The following ZER1 variants were observed in gnomAD, a reference collection of about 807,000 sequenced individuals.
The protein encoded by ZER1 is zyg-11 related cell cycle regulator, also known as protein zer-1 homolog.
In ZER1, 11 loss-of-function variants were observed where a neutral mutation model predicts 78.8. The ratio of observed to expected loss-of-function variants is 0.14; its 90% confidence interval spans 0.09 to 0.23. The LOEUF is 0.23. Among genes scored for constraint, ZER1 ranks in the 10% least tolerant of loss-of-function variants. The probability of loss-of-function intolerance (pLI) is 1.00; values close to 1 mark genes in which losing one functional copy is unlikely to be tolerated. For missense variants in ZER1, 588 were observed against 996.9 expected (o/e 0.59, Z 5.52); for synonymous variants, 400 against 407.0 (o/e 0.98, Z 0.21).
intron 1 of ZER1, among the ~76,000 whole-genome samples, chr9:128,770,917 T>A (rs561256138): frequency 2.0e-5 from 3 of 152,276 alleles, no homozygotes; most frequent in South Asian, 2.1e-4. Context: ...TGCCTGTATT[T>A]CCAGCACTTT....
chr9:128,743,178 A>C (rs1863363491), intron 8 of ZER1, among the ~76,000 whole-genome samples: 3 of 149,474 alleles, frequency 2.0e-5, no homozygotes, highest in African/African-American at 7.4e-5. Flanking sequence ...AGTGCAGTGG[A>C]CCTATCTCGG....
chr9:128,738,127 C>A (rs1863151609), intron 13 of ZER1, among the ~76,000 whole-genome samples: 1 of 150,288 alleles, frequency 6.7e-6, no homozygotes, highest in Non-Finnish European at 1.5e-5. Context: ...TAACTGCAAG[C>A]TCCGCCTCCC....
At chr9:128,741,976 T>G in intron 9 of ZER1, 135 bp from the exon 10 acceptor site, 1 of 1,194,816 alleles carries the variant, frequency 8.4e-7, no homozygotes, top group South Asian at 1.3e-5. Context: ...CTCCCTATAT[T>G]TGGGGGAGGC....
In ZER1 at chr9:128,771,719, C is replaced by T. The variant is rs1369283124; in HGVS notation, c.-233G>A. The T allele has an allele frequency of 1.3e-5, 2 of 152,324 alleles. No individual in the cohort carries two copies. Among genetic ancestry groups the T allele is most frequent in the African/African-American group, 4.8e-5 (2 of 41,562 alleles). The allele number at this position is 152,324 out of a possible 1,614,324, so 9.4% of individuals were successfully genotyped here. On this transcript the variant is annotated 5_prime_UTR_variant, in exon 1 of 16. Coordinates refer to ENST00000291900, the MANE Select transcript of ZER1 (RefSeq NM_006336.4). ...GATCTCGTCAGGCTAGAGCCGGGGT[C>T]CAGGGGAGACGGGGGTCGGCGGGGC...
intron 1 of ZER1, among the ~76,000 whole-genome samples, chr9:128,761,780 A>C (rs571739567): frequency 6.6e-6 from 1 of 150,634 alleles, no homozygotes; most frequent in Non-Finnish European, 1.5e-5. Flanking sequence ...AATTTTTTGT[A>C]TTTTTAGTAG....
rs552033940 is a variant in ZER1 at position 128,739,329 on chromosome 9, C to T, written c.2042+602G>A. On this transcript the variant is annotated intron_variant, in intron 13 of 15. Transcript: ENST00000291900. ...TATCCTGGCTAACACGGTGAAAACT[C>T]GTCTCTACTAAAAATACAAAAAAAT... Among the ~76,000 whole-genome samples, 4 of 151,316 alleles carry T rather than the reference C, an allele frequency of 2.6e-5. No individual in the cohort carries two copies. In the East Asian group the frequency reaches 5.9e-4, roughly 22 times the overall value.
chr9:128,744,621 G>A (rs1255209993), intron 8 of ZER1, among the ~76,000 whole-genome samples: 1 of 151,974 alleles, frequency 6.6e-6, no homozygotes, highest in Non-Finnish European at 1.5e-5. Flanking sequence ...TGCGATTACA[G>A]GCTCCAGCCA....
Position 128,755,635 on chromosome 9 carries a change from A to C in ZER1, c.-70T>G. On this transcript the variant is annotated 5_prime_UTR_variant, in exon 2 of 16. An upstream open reading frame in the 5' UTR loses its in-frame stop. Transcript: ENST00000291900. The surrounding 1 kb of genome is among the most constrained non-coding windows in gnomAD (Gnocchi z 5.6). Reference sequence around the variant, plus strand: ...GGGCAACAGTGATTCCTGAATACTCACAGGATCATTGGCAGAGCCACTGCC... The same window carrying C: ...GGGCAACAGTGATTCCTGAATACTCCCAGGATCATTGGCAGAGCCACTGCC... The C allele has an allele frequency of 4.2e-5, 65 of 1,564,986 alleles. No individual in the cohort carries two copies. The highest frequency in any genetic ancestry group is 5.6e-5 in the Non-Finnish European group (64 of 1,144,876).
At chr9:128,748,112 T>C (rs1365822575) in intron 8 of ZER1, among the ~76,000 whole-genome samples, 1 of 151,272 alleles carries the variant, frequency 6.6e-6, no homozygotes, top group Non-Finnish European at 1.5e-5. Context: ...AAATACAAAT[T>C]AGCTGACTGT....
intron 14 of ZER1, among the ~76,000 whole-genome samples, chr9:128,734,177 A>T (rs10117681): frequency 0.92 from 48,074 of 52,364 alleles, 22,366 homozygotes; most frequent in Middle Eastern, 0.97. Flanking sequence ...TCTTAAAAAA[A>T]ATATATATAT....
At position 128,751,173 on chromosome 9, in the gene ZER1, A is replaced by G; in HGVS notation, c.1134T>C (p.Leu378=). The G allele has an allele frequency of 6.2e-7, 1 of 1,607,454 alleles. No individual in the cohort carries two copies. The highest frequency in any genetic ancestry group is 8.5e-7 in the Non-Finnish European group (1 of 1,175,158). Residue 378 remains leucine (L), a synonymous_variant, in exon 7 of 16, where the codon CTT becomes CTC. Coordinates refer to ENST00000291900, the MANE Select transcript of ZER1 (RefSeq NM_006336.4). The surrounding 1 kb of genome is among the most constrained non-coding windows in gnomAD (Gnocchi z 5.4). ...PEITSRAINL[L]FDIARIERCN... is the part of the protein sequence containing the mutation. ...AACGCTCGATGCGGGCGATGTCAAAAAGCAAGTTGATGGCCCGCGAGGTGA... is the reference window on the plus strand; with the variant it reads ...AACGCTCGATGCGGGCGATGTCAAAGAGCAAGTTGATGGCCCGCGAGGTGA...
At position 128,746,587 on chromosome 9, in the gene ZER1, C is replaced by T. The variant is rs149734738; in HGVS notation, c.1360-3842G>A. Among the ~76,000 whole-genome samples, 740 of 151,434 alleles carry T rather than the reference C, an allele frequency of 4.9e-3. 5 individuals are homozygous for T. The highest frequency in any genetic ancestry group is 0.017 in the African/African-American group (699 of 41,274). ...CAAGCAATCATCCCACCTCGGCCTC[C>T]GAGTAGCTGGGGCTACAGACGCATA... is the stretch of plus-strand genomic sequence containing the variant. On this transcript the variant is annotated intron_variant, in intron 8 of 15. Transcript: ENST00000291900.
At chr9:128,734,114 C>A (rs1200443244) in intron 14 of ZER1, among the ~76,000 whole-genome samples, 8 of 13,140 alleles carry the variant, frequency 6.1e-4, no homozygotes, top group Admixed American at 1.6e-3. Flanking sequence ...GGCGACAGAG[C>A]AAAACTCCGT....
chr9:128,733,830 T>C (rs1862928147), intron 14 of ZER1, among the ~76,000 whole-genome samples: 2 of 145,532 alleles, frequency 1.4e-5, no homozygotes, highest in Admixed American at 1.4e-4. Context: ...TATATAATCT[T>C]AAAATATATA....
At chr9:128,745,342 A>G (rs1863453182) in intron 8 of ZER1, among the ~76,000 whole-genome samples, 2 of 150,206 alleles carry the variant, frequency 1.3e-5, no homozygotes, top group African/African-American at 4.9e-5. Context: ...GCACATCACC[A>G]CATCTGGCCA....
chr9:128,770,711 C>T (rs1864356924), intron 1 of ZER1, among the ~76,000 whole-genome samples: 1 of 152,216 alleles, frequency 6.6e-6, no homozygotes, highest in Non-Finnish European at 1.5e-5. Context: ...TCACCCCTGG[C>T]CACCACTTTC....
At chr9:128,736,581 T>G (rs1863089969) in intron 13 of ZER1, among the ~76,000 whole-genome samples, 2 of 149,016 alleles carry the variant, frequency 1.3e-5, no homozygotes, top group Admixed American at 1.3e-4. Context: ...GAGCATCATT[T>G]TGCTGTTGGC....
chr9:128,758,611 T>A (rs141887544), intron 1 of ZER1, among the ~76,000 whole-genome samples: 1 of 151,988 alleles, frequency 6.6e-6, no homozygotes, highest in Non-Finnish European at 1.5e-5. Flanking sequence ...TGTTTTTTGT[T>A]TTTTGTTTTG....
In ZER1 at chr9:128,732,843, A is replaced by G. The variant is rs1182924016; in HGVS notation, c.2243+583T>C. On this transcript the variant is annotated intron_variant, in intron 15 of 15. Coordinates refer to ENST00000291900, the MANE Select transcript of ZER1 (RefSeq NM_006336.4). This position sits in a 1 kb window ranked among gnomAD's most constrained non-coding sequence, Gnocchi z 4.8. ...CAGCTTGACTGTTCTCCCTTCTAGA[A>G]TGAATCCTGGAGAAAACAAGGTCGT... 1 of 153,384 alleles carries G rather than the reference A, an allele frequency of 6.5e-6. No homozygotes were observed. The highest frequency in any genetic ancestry group is 1.5e-5 in the Non-Finnish European group (1 of 68,802). The allele number at this position is 153,384 out of a possible 1,614,324, so 9.5% of individuals were successfully genotyped here. A position where few individuals can be genotyped will look rare whatever the true frequency, so the allele number is the denominator to read the frequency against.
Sources: allele counts gnomAD v4.1 joint callset (sites outside exome capture counted in the v4.1 genomes callset), GRCh38; gene constraint gnomAD v4.1.1; non-coding constraint Gnocchi (gnomAD v3.1); transcripts MANE v1.5; gene names NCBI Gene and HGNC (gene_info 2026-07-23, HGNC 2026-07-21).